PSMG4: variants seen among roughly 807,000 people sequenced by gnomAD.
PSMG4 encodes the protein proteasome (prosome, macropain) assembly chaperone 4.
Under a neutral mutation model 11.0 loss-of-function variants are expected in PSMG4, and 10 were observed. That is an observed-to-expected ratio of 0.91 (90% confidence interval 0.56 to 1.54). The LOEUF is 1.54. PSMG4 is among the 40% of genes most tolerant of loss of function. The pLI is 0.00. For missense variants in PSMG4, 198 were observed against 160.9 expected, an observed-to-expected ratio of 1.23 and a Z score of -1.25; for synonymous variants, 95 against 71.3, an observed-to-expected ratio of 1.33 and a Z score of -1.68.
At chr6:3,261,635 C>T (rs1283519982) in intron 1 of PSMG4, among the ~76,000 whole-genome samples, 1 of 152,244 alleles carries the variant, frequency 6.6e-6, no homozygotes, top group Non-Finnish European at 1.5e-5. Context: ...GTCCCTCTCA[C>T]TGGCCGCAGT....
upstream of PSMG4, among the ~76,000 whole-genome samples, chr6:3,254,603 C>T (rs372683697): frequency 5.9e-3 from 903 of 152,200 alleles, 6 homozygotes; most frequent in Middle Eastern, 0.024. Flanking sequence ...TAAATAATTC[C>T]AGTAGGCGTA....
At chr6:3,255,121 T>A (rs557328088), upstream of PSMG4, 2 of 1,550,952 alleles carry the variant, frequency 1.3e-6, no homozygotes, top group Admixed American at 2.0e-5. Flanking sequence ...ATCACCAGCT[T>A]ACCACGTATT....
At chr6:3,265,802 TCGGGGGCA>T (rs1204477687) in intron 2 of PSMG4, 6 of 152,192 alleles carry the variant, frequency 3.9e-5, no homozygotes, top group African/African-American at 1.4e-4. Context: ...ACTCTCCGCC[TCGGGGGCA>T]CACTGCACCC....
upstream of PSMG4, among the ~76,000 whole-genome samples, chr6:3,254,488 G>A (rs1453597506): frequency 6.6e-6 from 1 of 151,856 alleles, no homozygotes; most frequent in Non-Finnish European, 1.5e-5. Context: ...TATTGTTGCT[G>A]GTGGTTTTTT....
At chr6:3,256,395 C>A (rs1757767422), upstream of PSMG4, among the ~76,000 whole-genome samples, 1 of 152,220 alleles carries the variant, frequency 6.6e-6, no homozygotes, top group Non-Finnish European at 1.5e-5. Flanking sequence ...GGATGGTTCC[C>A]CACTCGAGAA....
At chr6:3,263,482 A>G (rs1758068196) in intron 1 of PSMG4, among the ~76,000 whole-genome samples, 1 of 151,302 alleles carries the variant, frequency 6.6e-6, no homozygotes, top group Non-Finnish European at 1.5e-5. Context: ...ATCTTTCCCA[A>G]CTCCGCTGAC....
Position 3,263,738 on chromosome 6 carries a change from A to C in PSMG4, c.229A>C (p.Thr77Pro), listed in dbSNP as rs1013066403. Residue 77 changes from threonine to proline, a missense_variant, in exon 2 of 3, where the codon ACT becomes CCT. Transcript: ENST00000438998. Reference protein sequence around the residue: ...LLGDTSDTTSTGLAQRLARKT... With the variant: ...LLGDTSDTTSPGLAQRLARKT... Reference sequence around the variant, plus strand: ...TGGAGACACTTCCGACACGACCTCTACTGGCCTTGCCCAGCGCCTAGGTAT... The same window carrying C: ...TGGAGACACTTCCGACACGACCTCTCCTGGCCTTGCCCAGCGCCTAGGTAT... The C allele has an allele frequency of 3.9e-6, 6 of 1,551,196 alleles. No homozygotes were observed. The highest frequency in any genetic ancestry group is 4.4e-6 in the Non-Finnish European group (5 of 1,146,756).
At chr6:3,262,168 C>T (rs984625240) in intron 1 of PSMG4, among the ~76,000 whole-genome samples, 1 of 152,046 alleles carries the variant, frequency 6.6e-6, no homozygotes, top group Non-Finnish European at 1.5e-5. Flanking sequence ...GATTCTTGGA[C>T]CCCCCGCCCG....
intron 1 of PSMG4, among the ~76,000 whole-genome samples, chr6:3,260,292 T>TATATA (rs1554129658): frequency 3.2e-4 from 4 of 12,646 alleles, no homozygotes; most frequent in African/African-American, 7.5e-4. Context: ...TATATATATA[T>TATATA]TTTTTTTTTT....
chr6:3,255,177 G>A (rs1290667798), upstream of PSMG4: 3 of 1,550,744 alleles, frequency 1.9e-6, no homozygotes, highest in South Asian at 1.2e-5. Flanking sequence ...GCTTACATGT[G>A]CGCTCTGGTG....
At chr6:3,255,307 G>C (rs1304183923), upstream of PSMG4, 1 of 1,516,500 alleles carries the variant, frequency 6.6e-7, no homozygotes, top group East Asian at 2.5e-5. Flanking sequence ...TGGGAGAGTG[G>C]TGGATGAGGC....
chr6:3,264,001 G>C (rs112280193), intron 2 of PSMG4: 1 of 1,322,780 alleles, frequency 7.6e-7, no homozygotes, highest in Admixed American at 2.8e-5. Flanking sequence ...TCGTCCTTGG[G>C]TGTGTCCTTG....
chr6:3,264,143 A>G, intron 2 of PSMG4: 2 of 1,542,980 alleles, frequency 1.3e-6, no homozygotes, highest in Non-Finnish European at 1.8e-6. Context: ...GAGTCAGTGC[A>G]GCTGGTGGAG....
chr6:3,255,274 T>TACGGGTCTATCG, upstream of PSMG4: 2 of 1,542,742 alleles, frequency 1.3e-6, no homozygotes, highest in East Asian at 4.9e-5. Context: ...ACGGCTGTCT[T>TACGGGTCTATCG]ACGGGTCTAT....
intron 2 of PSMG4, chr6:3,265,696 A>G (rs1758157101): frequency 6.6e-6 from 1 of 152,170 alleles, no homozygotes; most frequent in Non-Finnish European, 1.5e-5. Context: ...CAGCCTGCCT[A>G]ACACAGCTAG....
upstream of PSMG4, chr6:3,254,933 C>A (rs1757698045): frequency 8.5e-7 from 1 of 1,169,808 alleles, no homozygotes; most frequent in Non-Finnish European, 1.2e-6. Flanking sequence ...GCCATTCTCT[C>A]ACTGGGTGTC....
In PSMG4 at chr6:3,259,214, G is replaced by A; in HGVS notation, c.174+18G>A. 3.9e-6 allele frequency: 5 copies of A among 1,279,104 alleles called. No individual in the cohort carries two copies. The highest frequency in any genetic ancestry group is 3.1e-5 in the East Asian group (1 of 31,860). The allele number at this position is 1,279,104 out of a possible 1,614,324, so 79.2% of individuals were successfully genotyped here. ...GCCGCTACGTGAGTGCCTGGCGGCC[G>A]AGGGTGCGGGCGGCGGGGCGGGGGC... On this transcript the variant is annotated intron_variant, in intron 1 of 2. Coordinates refer to ENST00000438998, the MANE Select transcript of PSMG4 (RefSeq NM_001128591.2).
chr6:3,264,123 G>T, intron 2 of PSMG4: 1 of 1,527,660 alleles, frequency 6.5e-7, no homozygotes. Flanking sequence ...AGCCTCCCGG[G>T]CCTTAGGAGG....
intron 1 of PSMG4, among the ~76,000 whole-genome samples, chr6:3,262,625 T>C: frequency 6.6e-6 from 1 of 152,026 alleles, no homozygotes; most frequent in African/African-American, 2.4e-5. Flanking sequence ...TTCAGTTAAC[T>C]TGTCCCCACC....
Sources: gnomAD v4.1 joint callset for allele counts (sites outside exome capture counted in the v4.1 genomes callset) on GRCh38, gnomAD v4.1.1 for gene constraint, MANE v1.5 for transcripts, NCBI Gene and HGNC (gene_info 2026-07-23, HGNC 2026-07-21) for gene names.